MAN1C1: variants seen among roughly 807,000 people sequenced by gnomAD.
MAN1C1 encodes mannosyl-oligosaccharide 1,2-alpha-mannosidase IC.
Under a neutral mutation model 71.5 loss-of-function variants are expected in MAN1C1, and 49 were observed. The ratio of observed to expected loss-of-function variants is 0.69; its 90% CI spans 0.54 to 0.87. MAN1C1 has a LOEUF of 0.87. MAN1C1 is among the 40% of genes least tolerant of loss of function. The pLI is 0.00. For missense variants in MAN1C1, 743 were observed against 835.0 expected, an observed-to-expected ratio of 0.89 and a Z score of 1.36; for synonymous variants, 352 against 343.7, an observed-to-expected ratio of 1.02 and a Z score of -0.27.
At chr1:25,765,954 C>T (rs952299671) in intron 7 of MAN1C1, among the ~76,000 whole-genome samples, 7 of 152,152 alleles carry the variant, frequency 4.6e-5, no homozygotes, top group African/African-American at 1.2e-4. Context: ...ATTATAGCCA[C>T]GGGAAGAGGC....
At chr1:25,644,735 G>A (rs994117026) in intron 1 of MAN1C1, 4 of 151,732 alleles carry the variant, frequency 2.6e-5, no homozygotes, top group African/African-American at 9.7e-5. Flanking sequence ...GACCCAGCCT[G>A]GTTTTGAACT....
At chr1:25,715,455 C>T (rs1173728268) in intron 2 of MAN1C1, among the ~76,000 whole-genome samples, 2 of 152,168 alleles carry the variant, frequency 1.3e-5, no homozygotes, top group Non-Finnish European at 2.9e-5. Flanking sequence ...AGATTTCTGC[C>T]ACATCAGCCT....
At chr1:25,687,199 C>T (rs1467682578) in intron 2 of MAN1C1, among the ~76,000 whole-genome samples, 8 of 152,160 alleles carry the variant, frequency 5.3e-5, no homozygotes, top group South Asian at 2.1e-4. Context: ...ACATCAGGAG[C>T]GGGGGCATGG....
At chr1:25,644,261 T>A (rs2124762424) in intron 1 of MAN1C1, among the ~76,000 whole-genome samples, 1 of 152,106 alleles carries the variant, frequency 6.6e-6, no homozygotes, top group Middle Eastern at 3.4e-3. Context: ...CTCCGTGTAC[T>A]GAGTCGTGGG....
intron 1 of MAN1C1, among the ~76,000 whole-genome samples, chr1:25,680,351 C>T (rs1353525837): frequency 2.0e-5 from 3 of 152,278 alleles, no homozygotes; most frequent in Admixed American, 1.3e-4. Context: ...GTGTGAGCCA[C>T]CATGCCCAGC....
chr1:25,719,441 T>G (rs2046734099), intron 2 of MAN1C1, among the ~76,000 whole-genome samples: 1 of 147,190 alleles, frequency 6.8e-6, no homozygotes, highest in African/African-American at 2.6e-5. Flanking sequence ...ATTTATTTAT[T>G]TATTGAGATA....
chr1:25,626,935 G>A (rs964738395), intron 1 of MAN1C1, among the ~76,000 whole-genome samples: 1 of 151,936 alleles, frequency 6.6e-6, no homozygotes, highest in Admixed American at 6.6e-5. Context: ...AGTGCTTTCT[G>A]TATCTAGTTT....
chr1:25,689,726 T>C (rs576159352), intron 2 of MAN1C1, among the ~76,000 whole-genome samples: 1 of 152,308 alleles, frequency 6.6e-6, no homozygotes, highest in African/African-American at 2.4e-5. Context: ...GGACATTTAA[T>C]GTCCTCCCTA....
intron 2 of MAN1C1, among the ~76,000 whole-genome samples, chr1:25,727,685 C>G (rs1042451322): frequency 6.6e-6 from 1 of 152,248 alleles, no homozygotes; most frequent in African/African-American, 2.4e-5. Flanking sequence ...CACCCTGTCC[C>G]CCTGTGGGGT....
At chr1:25,619,783 C>T (rs2045178387) in intron 1 of MAN1C1, among the ~76,000 whole-genome samples, 1 of 152,226 alleles carries the variant, frequency 6.6e-6, no homozygotes, top group Non-Finnish European at 1.5e-5. Context: ...TGAATACTCA[C>T]TTGGACCACC....
At position 25,618,013 on chromosome 1, in the gene MAN1C1, T is replaced by A; in HGVS notation, c.216T>A (p.His72Gln). The A allele has an allele frequency of 6.2e-7, 1 of 1,601,026 alleles. No homozygotes were observed. The highest frequency in any genetic ancestry group is 8.5e-7 in the Non-Finnish European group (1 of 1,175,528). Reference protein sequence around the residue: ...GLEVVAEIAGHAPAREQEPPP... With the variant: ...GLEVVAEIAGQAPAREQEPPP... Reference sequence around the variant, plus strand: ...AAGTGGTGGCTGAAATCGCCGGCCATGCCCCGGCCCGCGAGCAGGAGCCGC... The same window carrying A: ...AAGTGGTGGCTGAAATCGCCGGCCAAGCCCCGGCCCGCGAGCAGGAGCCGC... The change falls in exon 1 of 12, where the codon CAT (histidine) becomes CAA (glutamine). Residue 72 changes from histidine (H) to glutamine (Q), a missense_variant. His to Gln is a conservative substitution (Grantham distance 24). Transcript: ENST00000374332.
Position 25,778,368 on chromosome 1 carries a change from G to C in MAN1C1, c.1477+44G>C, listed in dbSNP as rs777692782. The C allele has an allele frequency of 1.7e-5, 26 of 1,553,736 alleles. No individual in the cohort carries two copies. Among genetic ancestry groups the C allele is most frequent in the Non-Finnish European group, 2.3e-5 (26 of 1,143,878 alleles). ...GGGGCAGCAGGAGAGACTGAGGCTA[G>C]ACACCAGGAAGAACTGGAAAGACCG... On this transcript the variant is annotated intron_variant, in intron 9 of 11. Coordinates refer to ENST00000374332, the MANE Select transcript of MAN1C1 (RefSeq NM_020379.4). This position sits in a 1 kb window ranked among gnomAD's most constrained non-coding sequence, Gnocchi z 5.5.
At chr1:25,626,261 G>A (rs980830762) in intron 1 of MAN1C1, among the ~76,000 whole-genome samples, 3 of 152,016 alleles carry the variant, frequency 2.0e-5, no homozygotes, top group African/African-American at 7.2e-5. Context: ...GCCTTTTTAG[G>A]TTTATAGTGA....
rs370365880 is a variant in MAN1C1 at position 25,713,661 on chromosome 1, A to G, written c.637+27125A>G. Reference sequence around the variant, plus strand: ...TGGGCCCTAAGCCTTCCTGATTCATATGAGGTCTGAAAAGAGGCCCATGGA... The same window carrying G: ...TGGGCCCTAAGCCTTCCTGATTCATGTGAGGTCTGAAAAGAGGCCCATGGA... On this transcript the variant is annotated intron_variant, in intron 2 of 11. Coordinates refer to ENST00000374332, the MANE Select transcript of MAN1C1 (RefSeq NM_020379.4). Among the ~76,000 whole-genome samples the G allele has an allele frequency of 2.0e-5, 3 of 152,132 alleles. No individual in the cohort carries two copies. The East Asian group carries it at 5.8e-4, about 29-fold the overall frequency.
intron 8 of MAN1C1, chr1:25,772,216 T>G (rs762127870): frequency 1.3e-5 from 2 of 158,674 alleles, no homozygotes; most frequent in Non-Finnish European, 2.8e-5. Context: ...ATGAGAAGTA[T>G]GTCCAAGCTG....
rs758038052 is a variant in MAN1C1 at position 25,778,081 on chromosome 1, G to A, written c.1258-24G>A. 4 of 1,511,382 alleles carry A rather than the reference G, an allele frequency of 2.6e-6. No individual in the cohort carries two copies. In the Admixed American group the frequency reaches 8.2e-5, roughly 31 times the overall value. The allele number at this position is 1,511,382 out of a possible 1,614,324, so 93.6% of individuals were successfully genotyped here. ...GTGCCCTCCCACGCCCCTTCTCCCT[G>A]CCCAATCCCCACCTTGCTCCCAGGC... On this transcript the variant is annotated intron_variant, in intron 8 of 11. Transcript: ENST00000374332. This position sits in a 1 kb window ranked among gnomAD's most constrained non-coding sequence, Gnocchi z 5.5.
At chr1:25,683,378 G>T (rs538986133) in intron 1 of MAN1C1, among the ~76,000 whole-genome samples, 6 of 152,224 alleles carry the variant, frequency 3.9e-5, no homozygotes, top group African/African-American at 1.4e-4. Flanking sequence ...TGTGGTCCAC[G>T]TTGAGTCTTC....
Position 25,746,449 on chromosome 1 carries a change from C to T in MAN1C1, c.638-219C>T, listed in dbSNP as rs897758551. The stretch of plus-strand genomic sequence containing the variant: ...CCTGGGCCCTCGGTCTCTCTGGCCG[C>T]TGTTTGCTGCCTTGAGGAGGAAGCA... On this transcript the variant is annotated intron_variant, in intron 2 of 11. Transcript: ENST00000374332. This position sits in a 1 kb window ranked among gnomAD's most constrained non-coding sequence, Gnocchi z 4.0. Among the ~76,000 whole-genome samples, 3 of 152,206 alleles carry T rather than the reference C, an allele frequency of 2.0e-5. No homozygotes were observed. Among genetic ancestry groups the T allele is most frequent in the African/African-American group, 7.2e-5 (3 of 41,456 alleles).
chr1:25,710,401 C>T (rs2046597998), intron 2 of MAN1C1, among the ~76,000 whole-genome samples: 1 of 152,224 alleles, frequency 6.6e-6, no homozygotes, highest in Admixed American at 6.5e-5. Context: ...ATCTTGCCTG[C>T]TGGCTGACAA....
Sources: allele counts gnomAD v4.1 joint callset (sites outside exome capture counted in the v4.1 genomes callset), GRCh38; gene constraint gnomAD v4.1.1; non-coding constraint Gnocchi (gnomAD v3.1); transcripts MANE v1.5; gene names NCBI Gene and HGNC (gene_info 2026-07-23, HGNC 2026-07-21).